AKAP19: variants seen among roughly 807,000 people sequenced by gnomAD.
The protein encoded by AKAP19 is A-kinase anchoring protein 19.
the AKAP19 span, among the ~76,000 whole-genome samples, chr2:189,981,133 T>G: frequency 6.6e-6 from 1 of 152,380 alleles, no homozygotes; most frequent in East Asian, 1.9e-4. Context: ...CCCCACTTAT[T>G]AATGTATGGC....
At chr2:190,087,972 A>G in the AKAP19 span, among the ~76,000 whole-genome samples, 1 of 152,180 alleles carries the variant, frequency 6.6e-6, no homozygotes, top group African/African-American at 2.4e-5. Flanking sequence ...AAAATTCCGG[A>G]CACACACAAA....
At chr2:190,101,711 A>G in the AKAP19 span, among the ~76,000 whole-genome samples, 1 of 152,138 alleles carries the variant, frequency 6.6e-6, no homozygotes, top group Non-Finnish European at 1.5e-5. Flanking sequence ...ATATAAAAAG[A>G]CTATAAAAAG....
the AKAP19 span, among the ~76,000 whole-genome samples, chr2:190,082,970 T>C: frequency 6.6e-6 from 1 of 152,238 alleles, no homozygotes; most frequent in African/African-American, 2.4e-5. Context: ...TATATATTTA[T>C]GGTAGACAAC....
the AKAP19 span, among the ~76,000 whole-genome samples, chr2:190,183,050 T>A: frequency 6.6e-6 from 1 of 152,348 alleles, no homozygotes; most frequent in Admixed American, 6.5e-5. Flanking sequence ...TGATAATAGA[T>A]AGGACAAGTC....
the AKAP19 span, among the ~76,000 whole-genome samples, chr2:190,042,707 A>G: frequency 1.3e-5 from 2 of 152,146 alleles, no homozygotes; most frequent in African/African-American, 4.8e-5. Context: ...AATAGTGGCT[A>G]TTAACATTAA....
chr2:190,180,673 G>A, the AKAP19 span: 1 of 985,322 alleles, frequency 1.0e-6, no homozygotes, highest in Non-Finnish European at 1.2e-6. This position sits in a 1 kb window ranked among gnomAD's most constrained non-coding sequence, Gnocchi z 6.8. Flanking sequence ...GAAGTATCGA[G>A]GCAACCCTCT....
chr2:190,137,446 C>A, the AKAP19 span, among the ~76,000 whole-genome samples: 1 of 152,148 alleles, frequency 6.6e-6, no homozygotes, highest in Admixed American at 6.5e-5. Context: ...CCCTGGATAA[C>A]ATTTATACTC....
At chr2:190,020,188 A>C in the AKAP19 span, among the ~76,000 whole-genome samples, 3 of 152,206 alleles carry the variant, frequency 2.0e-5, no homozygotes, top group Non-Finnish European at 4.4e-5. Context: ...GGCTAGGACA[A>C]ATAAATATTA....
At chr2:189,990,392 G>A in the AKAP19 span, among the ~76,000 whole-genome samples, 2 of 151,776 alleles carry the variant, frequency 1.3e-5, no homozygotes, top group Non-Finnish European at 2.9e-5. Flanking sequence ...ATGGTTGTGT[G>A]GTTTTTGTCG....
At chr2:190,084,402 T>C in the AKAP19 span, among the ~76,000 whole-genome samples, 1 of 152,170 alleles carries the variant, frequency 6.6e-6, no homozygotes, top group Admixed American at 6.5e-5. Flanking sequence ...TAGAGCTCAG[T>C]TAATTTTAAA....
chr2:190,175,762 G>A, the AKAP19 span, among the ~76,000 whole-genome samples: 119 of 152,280 alleles, frequency 7.8e-4, no homozygotes, highest in Admixed American at 2.6e-3. Flanking sequence ...ATTCATAAGA[G>A]CTTTTAAGCA....
the AKAP19 span, chr2:189,924,071 G>T: frequency 5.2e-6 from 8 of 1,539,214 alleles, no homozygotes; most frequent in Non-Finnish European, 7.2e-6. Context: ...GGGTGCAGAT[G>T]ACTCTGCTGA....
the AKAP19 span, among the ~76,000 whole-genome samples, chr2:190,142,147 A>T: frequency 6.6e-6 from 1 of 152,306 alleles, no homozygotes; most frequent in East Asian, 1.9e-4. Flanking sequence ...AGCCAGCTTC[A>T]TGATCTTACA....
At chr2:190,127,193 A>AAT in the AKAP19 span, among the ~76,000 whole-genome samples, 5 of 67,432 alleles carry the variant, frequency 7.4e-5, no homozygotes, top group Admixed American at 1.2e-4. Flanking sequence ...CCCTGACTGG[A>AAT]AAAAAAAAAA....
the AKAP19 span, among the ~76,000 whole-genome samples, chr2:190,140,792 T>C: frequency 1.2e-4 from 18 of 152,190 alleles, no homozygotes; most frequent in Non-Finnish European, 2.5e-4. Context: ...AACATTTGGC[T>C]CCTCATTACC....
the AKAP19 span, among the ~76,000 whole-genome samples, chr2:190,044,249 T>A: frequency 2.0e-5 from 3 of 152,102 alleles, no homozygotes; most frequent in Admixed American, 1.3e-4. Context: ...CTTAGTAGTG[T>A]TGTGGCTGAG....
the AKAP19 span, among the ~76,000 whole-genome samples, chr2:190,126,310 A>AAAAAAAAAAAAAAAG: frequency 7.4e-6 from 1 of 135,374 alleles, no homozygotes. Context: ...AAAAAAAAAA[A>AAAAAAAAAAAAAAAG]AAAAAAAAAA....
At chr2:190,073,733 T>C in the AKAP19 span, among the ~76,000 whole-genome samples, 1 of 151,898 alleles carries the variant, frequency 6.6e-6, no homozygotes, top group Non-Finnish European at 1.5e-5. Context: ...TGGTTGTACA[T>C]TACAATCACT....
the AKAP19 span, among the ~76,000 whole-genome samples, chr2:189,904,762 T>C: frequency 6.6e-6 from 1 of 152,048 alleles, no homozygotes; most frequent in Non-Finnish European, 1.5e-5. Context: ...CAAAAAATAC[T>C]GGCTCTAGAG....
Sources: gnomAD v4.1 joint callset for allele counts (sites outside exome capture counted in the v4.1 genomes callset) on GRCh38, gnomAD v4.1.1 for gene constraint, Gnocchi (gnomAD v3.1) non-coding constraint, MANE v1.5 for transcripts, NCBI Gene and HGNC (gene_info 2026-07-23, HGNC 2026-07-21) for gene names.